RBM33: variants seen among roughly 807,000 people sequenced by gnomAD.
RBM33 encodes the protein RNA-binding protein 33.
Under a neutral mutation model 132.6 loss-of-function variants are expected in RBM33, and 28 were observed. That is an observed-to-expected ratio of 0.21 (90% CI 0.16 to 0.29). The LOEUF (loss-of-function observed/expected upper bound fraction) is 0.29, where lower values mean the gene tolerates loss of function less well. RBM33 is among the 10% of genes least tolerant of loss of function. RBM33 has a pLI of 1.00. For missense variants in RBM33, 1,291 were observed against 1,518.5 expected (o/e 0.85, Z 2.49); for synonymous variants, 634 against 593.0 (o/e 1.07, Z -1.01).
At chr7:155,704,105 T>C (rs1217310659) in intron 6 of RBM33, among the ~76,000 whole-genome samples, 1 of 152,224 alleles carries the variant, frequency 6.6e-6, no homozygotes. Flanking sequence ...TGGTTACTTT[T>C]AGTCTTTTTT....
At chr7:155,665,972 C>T (rs961604105) in intron 2 of RBM33, among the ~76,000 whole-genome samples, 16 of 152,276 alleles carry the variant, frequency 1.1e-4, no homozygotes, top group Admixed American at 2.0e-4. Context: ...AATTTGAAAA[C>T]GGCAGTGTCA....
At chr7:155,748,872 C>T (rs1437140807) in intron 14 of RBM33, among the ~76,000 whole-genome samples, 1 of 152,044 alleles carries the variant, frequency 6.6e-6, no homozygotes, top group South Asian at 2.1e-4. Context: ...ATTGTGTTGA[C>T]TAGGGTCAAC....
Position 155,669,573 on chromosome 7 carries a change from G to A in RBM33, c.123-3294G>A, listed in dbSNP as rs745545694. Among the ~76,000 whole-genome samples the A allele has an allele frequency of 3.3e-5, 5 of 152,252 alleles. No individual in the cohort carries two copies. The South Asian group carries it at 1.0e-3, about 32-fold the overall frequency. ...TCGCCGTGTTGGCCAGGCTGGTCTT[G>A]AACTCCTGGTCTCAGGTGATCCAAC... On this transcript the variant is annotated intron_variant, in intron 2 of 17. Coordinates refer to ENST00000401878, the MANE Select transcript of RBM33 (RefSeq NM_053043.3).
chr7:155,769,359 G>C (rs1009669800), intron 16 of RBM33, among the ~76,000 whole-genome samples: 4 of 152,174 alleles, frequency 2.6e-5, no homozygotes, highest in African/African-American at 9.7e-5. Flanking sequence ...GGGAGTGGGC[G>C]CACAGCCTCC....
At chr7:155,663,477 G>A (rs1269466022) in intron 1 of RBM33, among the ~76,000 whole-genome samples, 1 of 152,016 alleles carries the variant, frequency 6.6e-6, no homozygotes, top group African/African-American at 2.4e-5. Flanking sequence ...CAGAGGCGGG[G>A]AGGGGTGCCA....
chr7:155,734,089 C>A (rs1169352853), intron 9 of RBM33, among the ~76,000 whole-genome samples: 2 of 152,226 alleles, frequency 1.3e-5, no homozygotes, highest in African/African-American at 4.8e-5. Flanking sequence ...CTAGTGCCAG[C>A]CAGATTTACC....
chr7:155,682,479 G>T (rs1054867087), intron 5 of RBM33, among the ~76,000 whole-genome samples: 4 of 152,140 alleles, frequency 2.6e-5, no homozygotes, highest in African/African-American at 9.7e-5. Flanking sequence ...ATTAAACCAA[G>T]ATCTTTTAGA....
intron 9 of RBM33, among the ~76,000 whole-genome samples, 177 bp from the exon 10 acceptor site, chr7:155,737,353 C>CTGTGTGTG (rs59512454): frequency 0.075 from 10,759 of 142,802 alleles, 675 homozygotes; most frequent in African/African-American, 0.18. Context: ...ATGCATGACT[C>CTGTGTGTG]TGTGTGTGTG....
At position 155,774,583 on chromosome 7, in the gene RBM33, C is replaced by T. The variant is rs1802541900; in HGVS notation, c.3400C>T (p.Arg1134Trp). ...IQSLQMLPQQ[R>W]KAIAKFKEPA... Reference sequence around the variant, plus strand: ...GAGTTTACAGATGCTTCCTCAGCAACGGAAAGCCATAGCTAAGTTCAAGGA... The same window carrying T: ...GAGTTTACAGATGCTTCCTCAGCAATGGAAAGCCATAGCTAAGTTCAAGGA... Residue 1134 changes from arginine (R) to tryptophan (W), a missense_variant, in exon 17 of 18, where the codon CGG becomes TGG. By Grantham distance (101) the Arg-to-Trp change is moderately radical. Transcript: ENST00000401878. This position sits in a 1 kb window ranked among gnomAD's most constrained non-coding sequence, Gnocchi z 4.2. 6 of 1,613,626 alleles carry T rather than the reference C, an allele frequency of 3.7e-6. No homozygotes were observed. Among genetic ancestry groups the T allele is most frequent in the African/African-American group, 1.3e-5 (1 of 74,920 alleles).
Position 155,764,021 on chromosome 7 carries a change from A to G in RBM33, c.3186+3A>G. The G allele has an allele frequency of 6.6e-7, 1 of 1,526,080 alleles. No homozygotes were observed. The highest frequency in any genetic ancestry group is 8.8e-7 in the Non-Finnish European group (1 of 1,135,420). 94.5% of individuals were successfully genotyped at this position (1,526,080 alleles called of 1,614,324 possible). A position where few individuals can be genotyped will look rare whatever the true frequency, so the allele number is the denominator to read the frequency against. ...AAGGAATTCACCCGGCGAAGAAGGT[A>G]CTGCTTGTTGCCTCGCACGCAGCCC... is the stretch of plus-strand genomic sequence containing the variant. On this transcript the variant is annotated splice_donor_region_variant and intron_variant, in intron 15 of 17. Coordinates refer to ENST00000401878, the MANE Select transcript of RBM33 (RefSeq NM_053043.3).
chr7:155,760,975 G>A (rs1189689736), intron 14 of RBM33, among the ~76,000 whole-genome samples: 3 of 152,234 alleles, frequency 2.0e-5, no homozygotes, highest in African/African-American at 7.2e-5. Flanking sequence ...AAGATCGCAC[G>A]TTTCAGGCGA....
At chr7:155,771,037 G>A (rs890658189) in intron 16 of RBM33, among the ~76,000 whole-genome samples, 3 of 152,192 alleles carry the variant, frequency 2.0e-5, no homozygotes, top group African/African-American at 7.2e-5. Flanking sequence ...AGCCAATCAG[G>A]GTGAGAGCTG....
intron 8 of RBM33, 104 bp downstream of exon 8, chr7:155,711,559 A>G: frequency 3.1e-6 from 2 of 646,966 alleles, no homozygotes; most frequent in Non-Finnish European, 4.9e-6. Flanking sequence ...TGAGTGTGTG[A>G]AAGCAGTATG....
At chr7:155,677,366 G>A (rs1206891303) in intron 3 of RBM33, among the ~76,000 whole-genome samples, 1 of 151,760 alleles carries the variant, frequency 6.6e-6, no homozygotes, top group Non-Finnish European at 1.5e-5. Flanking sequence ...CCCTCACCAC[G>A]CCTGGCTAAT....
At chr7:155,757,471 T>C (rs979654529) in intron 14 of RBM33, among the ~76,000 whole-genome samples, 6 of 152,216 alleles carry the variant, frequency 3.9e-5, no homozygotes, top group African/African-American at 1.4e-4. Flanking sequence ...AGCATTATAG[T>C]AGCCCTTCAT....
intron 14 of RBM33, among the ~76,000 whole-genome samples, chr7:155,752,778 C>T (rs1392245431): frequency 6.6e-6 from 1 of 152,226 alleles, no homozygotes; most frequent in African/African-American, 2.4e-5. Flanking sequence ...TTTCATGCCT[C>T]TGGCCCACTT....
chr7:155,731,118 C>G (rs186960132), intron 9 of RBM33, among the ~76,000 whole-genome samples: 1 of 152,348 alleles, frequency 6.6e-6, no homozygotes, highest in African/African-American at 2.4e-5. Flanking sequence ...TTGGTTGACT[C>G]TCCGCTCAGA....
At chr7:155,646,491 T>G (rs920798045) in intron 1 of RBM33, among the ~76,000 whole-genome samples, 1 of 152,236 alleles carries the variant, frequency 6.6e-6, no homozygotes, top group African/African-American at 2.4e-5. Flanking sequence ...TGCCAAGATT[T>G]GTGAGTTCTG....
intron 15 of RBM33, among the ~76,000 whole-genome samples, chr7:155,765,508 G>A (rs1468428006): frequency 6.6e-6 from 1 of 152,156 alleles, no homozygotes; most frequent in African/African-American, 2.4e-5. Context: ...AAGTCCTGAG[G>A]TTCTATTCCA....
Sources: allele counts gnomAD v4.1 joint callset (sites outside exome capture counted in the v4.1 genomes callset), GRCh38; gene constraint gnomAD v4.1.1; non-coding constraint Gnocchi (gnomAD v3.1); transcripts MANE v1.5; gene names NCBI Gene and HGNC (gene_info 2026-07-23, HGNC 2026-07-21).